The following NUB1 variants were observed in gnomAD, a reference collection of about 807,000 sequenced individuals.
The protein encoded by NUB1 is negative regulator of ubiquitin like proteins 1.
Under a neutral mutation model 77.1 loss-of-function variants are expected in NUB1, and 41 were observed. That is an observed-to-expected ratio of 0.53 (90% CI 0.41 to 0.69). The LOEUF (loss-of-function observed/expected upper bound fraction) is 0.69. NUB1 is among the 30% of genes least tolerant of loss of function. The pLI is 0.00. For missense variants in NUB1, 643 were observed against 743.8 expected, an observed-to-expected ratio of 0.86 and a Z score of 1.58; for synonymous variants, 257 against 281.0, an observed-to-expected ratio of 0.91 and a Z score of 0.85.
intron 11 of NUB1, among the ~76,000 whole-genome samples, chr7:151,371,045 G>A (rs1797934346): frequency 6.6e-6 from 1 of 152,146 alleles, no homozygotes; most frequent in South Asian, 2.1e-4. Context: ...TTAAAGTATA[G>A]TGGAGTCATA....
intron 2 of NUB1, among the ~76,000 whole-genome samples, chr7:151,348,706 G>A (rs1796634181): frequency 6.6e-6 from 1 of 150,616 alleles, no homozygotes; most frequent in South Asian, 2.1e-4. Flanking sequence ...CCCCCAAGTA[G>A]CTGGGCCTAC....
intron 10 of NUB1, 64 bp downstream of exon 10, chr7:151,368,032 G>A: frequency 1.1e-6 from 1 of 948,780 alleles, no homozygotes; most frequent in Non-Finnish European, 1.6e-6. Context: ...AGAAGTTAAG[G>A]ATTTTAACTT....
chr7:151,346,142 G>T (rs1430698171), intron 2 of NUB1, among the ~76,000 whole-genome samples: 1 of 152,172 alleles, frequency 6.6e-6, no homozygotes, highest in African/African-American at 2.4e-5. Flanking sequence ...TTGTCATGAG[G>T]CATTAAATTG....
In NUB1 at chr7:151,341,855, A is replaced by G; in HGVS notation, c.-3+9A>G. 1 of 1,498,174 alleles carries G rather than the reference A, an allele frequency of 6.7e-7. No homozygotes were observed. Among genetic ancestry groups the G allele is most frequent in the Non-Finnish European group, 8.8e-7 (1 of 1,133,066 alleles). The allele number at this position is 1,498,174 out of a possible 1,614,324, so 92.8% of individuals were successfully genotyped here. A position where few individuals can be genotyped will look rare whatever the true frequency, so the allele number is the denominator to read the frequency against. On this transcript the variant is annotated intron_variant, in intron 1 of 14. Coordinates refer to ENST00000568733, the MANE Select transcript of NUB1 (RefSeq NM_001243351.2). Reference sequence around the variant, plus strand: ...GGAGTGGCGTGGCGCAGGTGAGGACACGGCGGCCGAGTGTCCTCGACCCCA... The same window carrying G: ...GGAGTGGCGTGGCGCAGGTGAGGACGCGGCGGCCGAGTGTCCTCGACCCCA...
chr7:151,344,218 A>ATGTGC (rs1232073374), intron 1 of NUB1, among the ~76,000 whole-genome samples: 2 of 143,004 alleles, frequency 1.4e-5, no homozygotes, highest in African/African-American at 5.1e-5. Flanking sequence ...AAAAAAGTAG[A>ATGTGC]TGTGCTGTTA....
In NUB1 at chr7:151,341,826, G is replaced by T. The variant is rs958126557; in HGVS notation, c.-23G>T. ...CGCATCCGGGCACTCTGCTGGTCGC[G>T]GCGGGAGTGGCGTGGCGCAGGTGAG... On this transcript the variant is annotated 5_prime_UTR_variant, in exon 1 of 15. Coordinates refer to ENST00000568733, the MANE Select transcript of NUB1 (RefSeq NM_001243351.2). 7.3e-6 allele frequency: 11 copies of T among 1,507,136 alleles called. No individual in the cohort carries two copies. The highest frequency in any genetic ancestry group is 8.8e-6 in the Non-Finnish European group (10 of 1,137,088). 93.4% of individuals were successfully genotyped at this position (1,507,136 alleles called of 1,614,324 possible). A position where few individuals can be genotyped will look rare whatever the true frequency, so the allele number is the denominator to read the frequency against.
At position 151,348,984 on chromosome 7, in the gene NUB1, T is replaced by A. The variant is rs1035529547; in HGVS notation, c.118-89T>A. 1.8e-5 allele frequency: 22 copies of A among 1,201,768 alleles called. No homozygotes were observed. The African/African-American group carries it at 3.4e-4, about 18-fold the overall frequency. The allele number at this position is 1,201,768 out of a possible 1,614,324, so 74.4% of individuals were successfully genotyped here. On this transcript the variant is annotated intron_variant, in intron 2 of 14. Coordinates refer to ENST00000568733, the MANE Select transcript of NUB1 (RefSeq NM_001243351.2). The stretch of plus-strand genomic sequence containing the variant: ...ACGGGGCGACCTCCACTCATCAGAG[T>A]TGATGGCCTTAGAGTCTTTCATGCC...
chr7:151,365,451 C>T (rs187891555), intron 8 of NUB1, among the ~76,000 whole-genome samples: 515 of 152,158 alleles, frequency 3.4e-3, no homozygotes, highest in Non-Finnish European at 4.6e-3. Context: ...AAAACATGAA[C>T]GAGCCTGTTA....
At chr7:151,341,990 G>C in intron 1 of NUB1, 144 bp downstream of exon 1, 1 of 1,249,542 alleles carries the variant, frequency 8.0e-7, no homozygotes, top group Non-Finnish European at 1.0e-6. Context: ...GTGGAGCTGG[G>C]CCGGGGCCGG....
chr7:151,345,387 A>T lies in NUB1; in HGVS notation c.38A>T (p.Gln13Leu). 1 of 1,612,932 alleles carries T rather than the reference A, an allele frequency of 6.2e-7. No individual in the cohort carries two copies. The highest frequency in any genetic ancestry group is 8.5e-7 in the Non-Finnish European group (1 of 1,179,438). ...QKKYLQAKLT[Q>L]FLREDRIQLW... ...AAATATCTTCAAGCAAAATTGACCCAGTTTTTAAGGGAAGACAGGATTCAA... is the reference window on the plus strand; with the variant it reads ...AAATATCTTCAAGCAAAATTGACCCTGTTTTTAAGGGAAGACAGGATTCAA... The change falls in exon 2 of 15, where the codon CAG becomes CTG. Residue 13 changes from glutamine to leucine, a missense_variant. Transcript: ENST00000568733.
intron 1 of NUB1, 116 bp downstream of exon 1, chr7:151,341,962 G>T: frequency 7.5e-7 from 1 of 1,333,886 alleles, no homozygotes; most frequent in Non-Finnish European, 9.6e-7. Flanking sequence ...GCCGCGGGGC[G>T]GGGGTGAGCA....
intron 1 of NUB1, 111 bp downstream of exon 1, chr7:151,341,957 G>C: frequency 1.5e-6 from 2 of 1,336,348 alleles, no homozygotes; most frequent in Non-Finnish European, 1.9e-6. Context: ...GAGCGGCCGC[G>C]GGGCGGGGGT....
intron 5 of NUB1, among the ~76,000 whole-genome samples, chr7:151,355,358 G>GCAT (rs1170306979): frequency 1.5e-4 from 23 of 152,186 alleles, no homozygotes; most frequent in African/African-American, 4.6e-4. Context: ...CCAATTATGT[G>GCAT]GCGTGATGGT....
chr7:151,341,955 G>T, intron 1 of NUB1, 109 bp downstream of exon 1: 1 of 1,341,614 alleles, frequency 7.5e-7, no homozygotes. Flanking sequence ...TGGAGCGGCC[G>T]CGGGGCGGGG....
At chr7:151,359,756 G>A (rs1485179718) in intron 7 of NUB1, among the ~76,000 whole-genome samples, 2 of 152,032 alleles carry the variant, frequency 1.3e-5, no homozygotes, top group South Asian at 2.1e-4. Flanking sequence ...CAGCCTGGAC[G>A]ACAGAATGAG....
At chr7:151,366,639 A>C (rs1176357771) in intron 8 of NUB1, among the ~76,000 whole-genome samples, 2 of 152,152 alleles carry the variant, frequency 1.3e-5, no homozygotes, top group Non-Finnish European at 2.9e-5. Context: ...AGGGCCTCTG[A>C]AACAGTGGCC....
intron 1 of NUB1, among the ~76,000 whole-genome samples, chr7:151,344,214 G>GATGT (rs1554405597): frequency 1.3e-3 from 125 of 97,662 alleles, no homozygotes; most frequent in East Asian, 4.2e-3. Context: ...AAAAAAAAAA[G>GATGT]TAGATGTGCT....
At chr7:151,368,909 A>G (rs1246348825) in intron 11 of NUB1, 22 bp downstream of exon 11, 1 of 1,595,612 alleles carries the variant, frequency 6.3e-7, no homozygotes, top group Non-Finnish European at 8.5e-7. Context: ...CACATGCCCT[A>G]GCTCTCTTGG....
chr7:151,352,185 C>T (rs1217978279), intron 4 of NUB1: 4 of 456,490 alleles, frequency 8.8e-6, no homozygotes, highest in South Asian at 3.1e-5. Context: ...TCCAGGGAGA[C>T]CACAGAAGGT....
Sources: gnomAD v4.1 joint callset for allele counts (sites outside exome capture counted in the v4.1 genomes callset) on GRCh38, gnomAD v4.1.1 for gene constraint, MANE v1.5 for transcripts, NCBI Gene and HGNC (gene_info 2026-07-23, HGNC 2026-07-21) for gene names.